Variants in PRMT8 observed in about 807,000 individuals in gnomAD.
The protein encoded by PRMT8 is protein arginine methyltransferase 8.
A neutral mutation model predicts 47.1 loss-of-function variants in PRMT8; 7 were observed. The ratio of observed to expected loss-of-function variants is 0.15; its 90% CI spans 0.08 to 0.28. The LOEUF (loss-of-function observed/expected upper bound fraction) is 0.28, where lower values mean the gene tolerates loss of function less well. Ranked by LOEUF, PRMT8 falls within the 10% of genes least tolerant of loss-of-function variation. PRMT8 has a pLI of 1.00. For missense variants in PRMT8, 237 were observed against 505.4 expected (o/e 0.47, Z 5.09); for synonymous variants, 188 against 186.5 (o/e 1.01, Z -0.07).
At chr12:3,445,891 A>T (rs1478643436) in intron 1 of PRMT8, among the ~76,000 whole-genome samples, 1 of 152,154 alleles carries the variant, frequency 6.6e-6, no homozygotes, top group Non-Finnish European at 1.5e-5. Flanking sequence ...AGACCATCAG[A>T]CTACTTAGGA....
At chr12:3,553,304 G>T in intron 3 of PRMT8, 1 of 336,692 alleles carries the variant, frequency 3.0e-6, no homozygotes, top group Non-Finnish European at 5.5e-6. Context: ...CTGCCTTCCC[G>T]CGTCCCCCAC....
intron 8 of PRMT8, among the ~76,000 whole-genome samples, chr12:3,585,704 G>T (rs78654439): frequency 6.6e-6 from 1 of 152,024 alleles, no homozygotes; most frequent in Non-Finnish European, 1.5e-5. Context: ...TTTGGTCTCC[G>T]TCAGCCAGGC....
chr12:3,410,657 C>T (rs1008553497), intron 1 of PRMT8, among the ~76,000 whole-genome samples: 11 of 152,144 alleles, frequency 7.2e-5, no homozygotes, highest in Non-Finnish European at 7.4e-5. Context: ...TACAGGCACG[C>T]GCCACCATGC....
At position 3,569,800 on chromosome 12, in the gene PRMT8, G is replaced by A. The variant is rs1418970377; in HGVS notation, c.712+236G>A. Among the ~76,000 whole-genome samples the A allele has an allele frequency of 1.3e-5, 2 of 152,214 alleles. No individual in the cohort carries two copies. Among genetic ancestry groups the A allele is most frequent in the African/African-American group, 2.4e-5 (1 of 41,444 alleles). On this transcript the variant is annotated intron_variant, in intron 6 of 9. Coordinates refer to ENST00000382622, the MANE Select transcript of PRMT8 (RefSeq NM_019854.5). This position sits in a 1 kb window ranked among gnomAD's most constrained non-coding sequence, Gnocchi z 8.2. Reference sequence around the variant, plus strand: ...GCTGGGATGAGAGAAATGTCCTGGGGTGAAAGAATGAATGCAATGTGAATT... The same window carrying A: ...GCTGGGATGAGAGAAATGTCCTGGGATGAAAGAATGAATGCAATGTGAATT...
chr12:3,539,766 C>G (rs544930011), intron 1 of PRMT8, among the ~76,000 whole-genome samples: 1 of 151,264 alleles, frequency 6.6e-6, no homozygotes, highest in East Asian at 2.0e-4. Context: ...CTGGGCTGGG[C>G]CTCAGGATTG....
At chr12:3,465,206 T>A (rs575150145) in intron 1 of PRMT8, among the ~76,000 whole-genome samples, 159 of 144,232 alleles carry the variant, frequency 1.1e-3, no homozygotes, top group African/African-American at 3.5e-3. Flanking sequence ...AAATATATTT[T>A]TATATATATT....
Position 3,576,767 on chromosome 12 carries a change from G to A in PRMT8, c.713-104G>A. 2 of 816,856 alleles carry A rather than the reference G, an allele frequency of 2.4e-6. No individual in the cohort carries two copies. Among genetic ancestry groups the A allele is most frequent in the Admixed American group, 2.1e-5 (1 of 47,482 alleles). 50.6% of individuals were successfully genotyped at this position (816,856 alleles called of 1,614,324 possible). On this transcript the variant is annotated intron_variant, in intron 6 of 9. Transcript: ENST00000382622. This position sits in a 1 kb window ranked among gnomAD's most constrained non-coding sequence, Gnocchi z 4.0. ...TCTATTTCGATGCAAGGGAACTCGAGCTGCCACTCAGCCCTCAGGCACGCT... is the reference window on the plus strand; with the variant it reads ...TCTATTTCGATGCAAGGGAACTCGAACTGCCACTCAGCCCTCAGGCACGCT...
intron 1 of PRMT8, among the ~76,000 whole-genome samples, chr12:3,398,901 C>T (rs1864290743): frequency 6.6e-6 from 1 of 152,182 alleles, no homozygotes; most frequent in Admixed American, 6.5e-5. Flanking sequence ...TGCAGTGGGG[C>T]TGCTCATGGT....
chr12:3,591,700 A>C (rs1257780441), intron 8 of PRMT8, among the ~76,000 whole-genome samples: 1 of 152,140 alleles, frequency 6.6e-6, no homozygotes, highest in Non-Finnish European at 1.5e-5. Context: ...GCCCAGCAGG[A>C]AAAGCTAGTT....
chr12:3,558,823 G>A (rs1866572887), intron 4 of PRMT8, among the ~76,000 whole-genome samples: 1 of 152,222 alleles, frequency 6.6e-6, no homozygotes. Flanking sequence ...GGGGAAGGCA[G>A]TGTCTGCTGC....
chr12:3,381,854 C>A (rs1438655542), intron 1 of PRMT8, among the ~76,000 whole-genome samples: 1 of 152,154 alleles, frequency 6.6e-6, no homozygotes, highest in East Asian at 1.9e-4. Context: ...CATAGCCACG[C>A]CCACTTCCCT....
At chr12:3,522,737 TA>T (rs1482362242) in intron 1 of PRMT8, among the ~76,000 whole-genome samples, 1 of 137,440 alleles carries the variant, frequency 7.3e-6, no homozygotes, top group Admixed American at 7.3e-5. Flanking sequence ...TGCAAATAGC[TA>T]AACAAGGGTA....
At chr12:3,532,611 C>CA (rs35698030) in intron 1 of PRMT8, among the ~76,000 whole-genome samples, 2,480 of 24,660 alleles carry the variant, frequency 0.1, 624 homozygotes, top group Non-Finnish European at 0.12. Context: ...GACTCCGTCT[C>CA]AAAAAAAAAA....
intron 1 of PRMT8, among the ~76,000 whole-genome samples, chr12:3,388,332 A>G (rs1250664091): frequency 6.6e-6 from 1 of 152,170 alleles, no homozygotes; most frequent in African/African-American, 2.4e-5. Flanking sequence ...CATAAGTGAC[A>G]TTGTGTCCTT....
At chr12:3,461,125 C>T (rs1865036251) in intron 1 of PRMT8, among the ~76,000 whole-genome samples, 1 of 152,136 alleles carries the variant, frequency 6.6e-6, no homozygotes, top group Non-Finnish European at 1.5e-5. Context: ...TCTTAGATAC[C>T]TCCTCTGTCA....
intron 1 of PRMT8, among the ~76,000 whole-genome samples, chr12:3,396,563 A>G (rs938895771): frequency 6.6e-6 from 1 of 152,180 alleles, no homozygotes. Flanking sequence ...TGGCTTGTAG[A>G]GTTTCTGCCG....
At chr12:3,430,419 G>T (rs958609023) in intron 1 of PRMT8, among the ~76,000 whole-genome samples, 3 of 152,130 alleles carry the variant, frequency 2.0e-5, no homozygotes, top group Admixed American at 1.3e-4. Context: ...AATATGAGGG[G>T]TGGTCTCCTC....
intron 1 of PRMT8, among the ~76,000 whole-genome samples, chr12:3,454,203 C>A (rs894878739): frequency 2.0e-5 from 3 of 151,256 alleles, no homozygotes; most frequent in Non-Finnish European, 4.4e-5. Flanking sequence ...CGCCCTGTGT[C>A]TTTTGGCTTC....
chr12:3,443,773 T>TG (rs1349412118), intron 1 of PRMT8, among the ~76,000 whole-genome samples: 1 of 152,242 alleles, frequency 6.6e-6, no homozygotes, highest in Non-Finnish European at 1.5e-5. Flanking sequence ...TGCACAGGCC[T>TG]GGACCCTGCC....
Sources: allele counts gnomAD v4.1 joint callset (sites outside exome capture counted in the v4.1 genomes callset), GRCh38; gene constraint gnomAD v4.1.1; non-coding constraint Gnocchi (gnomAD v3.1); transcripts MANE v1.5; gene names NCBI Gene and HGNC (gene_info 2026-07-23, HGNC 2026-07-21).